The following PRKG1 variants were observed in gnomAD, a reference collection of about 807,000 sequenced individuals.
The protein encoded by PRKG1 is protein kinase cGMP-dependent 1, also known as cGMP-dependent protein kinase 1.
In PRKG1, 35 loss-of-function variants were observed where a neutral mutation model predicts 88.1. The observed-to-expected ratio is 0.40, with a 90% CI of 0.30 to 0.53. PRKG1 has a LOEUF of 0.53. Ranked by LOEUF, PRKG1 falls within the 20% of genes least tolerant of loss-of-function variation. The pLI is 0.59. For synonymous variants in PRKG1, 303 were observed against 292.5 expected (o/e 1.04, Z -0.37); for missense variants, 540 against 839.8 (o/e 0.64, Z 4.41).
intron 1 of PRKG1, among the ~76,000 whole-genome samples, chr10:51,081,275 GA>G (rs1408011333): frequency 1.7e-4 from 26 of 152,196 alleles, no homozygotes; most frequent in African/African-American, 4.8e-4. Context: ...AGGGCGAAAC[GA>G]GATGGGTATT....
At chr10:51,964,801 C>T (rs1843529080) in intron 5 of PRKG1, among the ~76,000 whole-genome samples, 1 of 152,182 alleles carries the variant, frequency 6.6e-6, no homozygotes, top group Non-Finnish European at 1.5e-5. Flanking sequence ...CCAGCTTCAA[C>T]TGCATCCAAA....
At chr10:51,044,189 C>T (rs886262058) in intron 1 of PRKG1, among the ~76,000 whole-genome samples, 4 of 151,906 alleles carry the variant, frequency 2.6e-5, no homozygotes, top group Admixed American at 2.0e-4. Context: ...TCTTTTTTTC[C>T]GTAGTTCTGG....
intron 3 of PRKG1, among the ~76,000 whole-genome samples, chr10:51,535,903 A>C (rs1223211912): frequency 1.3e-5 from 2 of 151,938 alleles, no homozygotes; most frequent in Non-Finnish European, 2.9e-5. Context: ...TTGTATTTTT[A>C]GTAGAGAGGG....
At chr10:52,115,140 G>A (rs1847657049) in intron 7 of PRKG1, among the ~76,000 whole-genome samples, 1 of 151,852 alleles carries the variant, frequency 6.6e-6, no homozygotes, top group African/African-American at 2.4e-5. Flanking sequence ...AGGATTTAGG[G>A]GTTTTTCTAG....
At chr10:52,260,135 T>C (rs972302611) in intron 10 of PRKG1, among the ~76,000 whole-genome samples, 1 of 151,906 alleles carries the variant, frequency 6.6e-6, no homozygotes, top group African/African-American at 2.4e-5. Context: ...CAGCCCTGTC[T>C]CCCAGCACTT....
chr10:51,762,131 T>G (rs1264149398), intron 3 of PRKG1, among the ~76,000 whole-genome samples: 3 of 152,212 alleles, frequency 2.0e-5, no homozygotes, highest in Non-Finnish European at 4.4e-5. Flanking sequence ...CTATTGACCC[T>G]CAGGGATTCA....
intron 2 of PRKG1, among the ~76,000 whole-genome samples, chr10:51,262,497 CTTAA>C (rs912904761): frequency 6.6e-6 from 1 of 150,530 alleles, no homozygotes; most frequent in Non-Finnish European, 1.5e-5. Context: ...CTCCATTTCC[CTTAA>C]TTAATTCCAT....
At chr10:51,815,532 T>C (rs1839562077) in intron 4 of PRKG1, among the ~76,000 whole-genome samples, 1 of 152,076 alleles carries the variant, frequency 6.6e-6, no homozygotes, top group African/African-American at 2.4e-5. Flanking sequence ...AAAATCCTGC[T>C]GAGGTGCAAA....
At chr10:51,823,394 G>A (rs1056325359) in intron 4 of PRKG1, among the ~76,000 whole-genome samples, 1 of 151,998 alleles carries the variant, frequency 6.6e-6, no homozygotes, top group Non-Finnish European at 1.5e-5. Flanking sequence ...ACTAATAACA[G>A]TGGAATTACT....
At chr10:51,481,907 A>C (rs1840371380) in intron 3 of PRKG1, among the ~76,000 whole-genome samples, 1 of 152,130 alleles carries the variant, frequency 6.6e-6, no homozygotes, top group South Asian at 2.1e-4. Flanking sequence ...GCCAGCATTT[A>C]AAGGCCTTTT....
At chr10:51,822,629 T>C (rs1451544640) in intron 4 of PRKG1, among the ~76,000 whole-genome samples, 1 of 152,164 alleles carries the variant, frequency 6.6e-6, no homozygotes, top group African/African-American at 2.4e-5. Flanking sequence ...TAATGTTCTG[T>C]GTCCCACCAG....
intron 9 of PRKG1, among the ~76,000 whole-genome samples, chr10:52,217,604 A>G (rs1174471609): frequency 6.6e-6 from 1 of 152,186 alleles, no homozygotes; most frequent in African/African-American, 2.4e-5. Context: ...CCAGGTTTAC[A>G]GTTACTCAAA....
intron 1 of PRKG1, among the ~76,000 whole-genome samples, chr10:51,008,971 G>A (rs769590206): frequency 6.6e-6 from 1 of 152,106 alleles, no homozygotes; most frequent in Non-Finnish European, 1.5e-5. Context: ...GAAAGTATTA[G>A]TCTCTGGTGG....
intron 3 of PRKG1, among the ~76,000 whole-genome samples, chr10:51,612,453 T>A (rs570199741): frequency 6.6e-6 from 1 of 152,198 alleles, no homozygotes; most frequent in East Asian, 1.9e-4. Flanking sequence ...TGTATAGAAA[T>A]GCTACTGACT....
chr10:52,091,770 C>G (rs766628286), intron 7 of PRKG1, among the ~76,000 whole-genome samples: 6 of 152,074 alleles, frequency 3.9e-5, no homozygotes, highest in Non-Finnish European at 8.8e-5. Context: ...TTGAGGTGTC[C>G]TCATTGTGAA....
intron 5 of PRKG1, among the ~76,000 whole-genome samples, chr10:51,937,893 G>A (rs879602600): frequency 1.3e-5 from 2 of 152,036 alleles, no homozygotes; most frequent in Non-Finnish European, 2.9e-5. Context: ...TCTGAGTAGT[G>A]TGATGAAAGC....
intron 9 of PRKG1, among the ~76,000 whole-genome samples, chr10:52,216,045 A>G (rs191728061): frequency 6.0e-4 from 91 of 152,344 alleles, no homozygotes; most frequent in African/African-American, 2.2e-3. Flanking sequence ...GTACACCCAG[A>G]GACCCTGAGG....
In PRKG1 at chr10:51,946,847, G is replaced by A. The variant is rs11000242; in HGVS notation, c.762+39277G>A. Reference sequence around the variant, plus strand: ...TTTTGTCTCAGAGGAGTACCCAGCCGTGTGAGGTGTCAGTCTACCCCTACT... The same window carrying A: ...TTTTGTCTCAGAGGAGTACCCAGCCATGTGAGGTGTCAGTCTACCCCTACT... On this transcript the variant is annotated intron_variant, in intron 5 of 17. Transcript: ENST00000373980. Among the ~76,000 whole-genome samples the A allele has an allele frequency of 9.1e-3, 1,387 of 152,100 alleles. 36 individuals are homozygous for A. Among genetic ancestry groups the A allele is most frequent in the African/African-American group, 0.03 (1,245 of 41,376 alleles).
At chr10:51,464,704 A>G (rs1249648803) in intron 2 of PRKG1, among the ~76,000 whole-genome samples, 2 of 151,544 alleles carry the variant, frequency 1.3e-5, no homozygotes, top group African/African-American at 4.8e-5. Flanking sequence ...ATCCCGGCTA[A>G]AACGGTGAAA....
Sources: gnomAD v4.1 joint callset for allele counts (sites outside exome capture counted in the v4.1 genomes callset) on GRCh38, gnomAD v4.1.1 for gene constraint, MANE v1.5 for transcripts, NCBI Gene and HGNC (gene_info 2026-07-23, HGNC 2026-07-21) for gene names.